The following C8orf34 variants were observed in gnomAD, a reference collection of about 807,000 sequenced individuals.
C8orf34 encodes the protein chromosome 8 open reading frame 34.
C8orf34 carries 65 observed loss-of-function variants against 68.3 expected under a neutral mutation model. The ratio of observed to expected loss-of-function variants is 0.95; its 90% CI spans 0.78 to 1.17. The LOEUF is 1.17. Among genes scored for constraint, C8orf34 ranks in the 50% most tolerant of loss-of-function variants. The pLI, the probability that C8orf34 is intolerant of heterozygous loss-of-function variation, is 0.00. For missense variants in C8orf34, 664 were observed against 655.4 expected, an observed-to-expected ratio of 1.01 and a Z score of -0.14; for synonymous variants, 244 against 241.2, an observed-to-expected ratio of 1.01 and a Z score of -0.11.
intron 3 of C8orf34, among the ~76,000 whole-genome samples, chr8:68,458,982 G>C (rs1019467522): frequency 2.0e-5 from 3 of 152,050 alleles, no homozygotes; most frequent in African/African-American, 4.8e-5. Context: ...TCCTTCACTT[G>C]TCTCCCATCA....
chr8:68,512,271 A>G (rs1318484845), intron 5 of C8orf34, among the ~76,000 whole-genome samples: 3 of 152,238 alleles, frequency 2.0e-5, no homozygotes, highest in Non-Finnish European at 4.4e-5. Context: ...TAGAAATCCC[A>G]TACAATTTTG....
intron 8 of C8orf34, among the ~76,000 whole-genome samples, chr8:68,704,537 C>G (rs1821109965): frequency 6.6e-6 from 1 of 152,076 alleles, no homozygotes; most frequent in African/African-American, 2.4e-5. Context: ...CATAACTCAT[C>G]TTGTAGGTAA....
At chr8:68,525,592 GGTT>G in intron 6 of C8orf34, 1 of 885,038 alleles carries the variant, frequency 1.1e-6, no homozygotes, top group African/African-American at 1.6e-5. Context: ...TGCCAGCTGA[GGTT>G]GTCAGTACAA....
At chr8:68,614,604 T>C (rs1263000709) in intron 7 of C8orf34, among the ~76,000 whole-genome samples, 1 of 152,170 alleles carries the variant, frequency 6.6e-6, no homozygotes, top group African/African-American at 2.4e-5. Flanking sequence ...GTTGTAGATA[T>C]GCGGTGTTAT....
intron 12 of C8orf34, chr8:68,791,834 C>T (rs1231065512): frequency 6.6e-6 from 1 of 152,078 alleles, no homozygotes; most frequent in Non-Finnish European, 1.5e-5. Flanking sequence ...AGGACTGACT[C>T]AGGTATAAAA....
At chr8:68,407,097 C>T (rs1809232256) in intron 1 of C8orf34, among the ~76,000 whole-genome samples, 2 of 152,114 alleles carry the variant, frequency 1.3e-5, no homozygotes, top group African/African-American at 2.4e-5. Flanking sequence ...AAAGTAATAA[C>T]ATTTTATTAA....
intron 7 of C8orf34, chr8:68,534,030 A>G: frequency 1.0e-6 from 1 of 980,590 alleles, no homozygotes; most frequent in Non-Finnish European, 1.2e-6. Context: ...AATCTCAGAA[A>G]AATATAGGCC....
At chr8:68,518,459 T>C (rs1029189388) in intron 5 of C8orf34, among the ~76,000 whole-genome samples, 2 of 152,140 alleles carry the variant, frequency 1.3e-5, no homozygotes, top group Non-Finnish European at 2.9e-5. Flanking sequence ...CTTAATACAT[T>C]TAATGTGCTT....
At chr8:68,418,033 G>A (rs1199974593) in intron 1 of C8orf34, among the ~76,000 whole-genome samples, 6 of 148,698 alleles carry the variant, frequency 4.0e-5, no homozygotes, top group Non-Finnish European at 7.4e-5. Flanking sequence ...TGGATTCCTA[G>A]GTATTTTATT....
chr8:68,760,514 G>A (rs1371051324), intron 10 of C8orf34, among the ~76,000 whole-genome samples: 1 of 152,154 alleles, frequency 6.6e-6, no homozygotes, highest in East Asian at 1.9e-4. Flanking sequence ...TGGAAGCTTG[G>A]AGGAGACACT....
chr8:68,622,258 A>G (rs150046901), intron 7 of C8orf34, among the ~76,000 whole-genome samples: 576 of 152,336 alleles, frequency 3.8e-3, no homozygotes, highest in African/African-American at 0.013. Context: ...TAACTGAATC[A>G]CAGAAGTGAA....
At chr8:68,816,138 C>CTGTG (rs138646973) in intron 13 of C8orf34, among the ~76,000 whole-genome samples, 193 bp downstream of exon 13, 18,035 of 146,632 alleles carry the variant, frequency 0.12, 1,167 homozygotes, top group Middle Eastern at 0.17. Flanking sequence ...GTGTGTTTCT[C>CTGTG]TGTGTGTGTG....
At chr8:68,775,407 G>A (rs1164463893) in intron 10 of C8orf34, among the ~76,000 whole-genome samples, 1 of 152,078 alleles carries the variant, frequency 6.6e-6, no homozygotes, top group Non-Finnish European at 1.5e-5. Context: ...CTTATCCAAA[G>A]CACCAAGTTG....
chr8:68,602,238 T>TGG (rs142074795), intron 7 of C8orf34, among the ~76,000 whole-genome samples: 1 of 152,118 alleles, frequency 6.6e-6, no homozygotes, highest in Non-Finnish European at 1.5e-5. Flanking sequence ...TTGATATCGA[T>TGG]GGGGGTGGAG....
At chr8:68,613,449 C>CT (rs1255276331) in intron 7 of C8orf34, among the ~76,000 whole-genome samples, 2 of 150,260 alleles carry the variant, frequency 1.3e-5, no homozygotes, top group Non-Finnish European at 3.0e-5. Context: ...CCCCTCCCCC[C>CT]ACACAACAGT....
intron 10 of C8orf34, among the ~76,000 whole-genome samples, chr8:68,726,953 C>T (rs1286182084): frequency 6.6e-6 from 1 of 152,070 alleles, no homozygotes; most frequent in Non-Finnish European, 1.5e-5. Context: ...ACCCCTGGCC[C>T]CTCCAAATCT....
intron 9 of C8orf34, among the ~76,000 whole-genome samples, chr8:68,719,435 C>T (rs1002338902): frequency 9.2e-5 from 14 of 152,006 alleles, no homozygotes; most frequent in African/African-American, 3.4e-4. Flanking sequence ...AATACTTTTG[C>T]TTTATAAATG....
rs529731779 is a variant in C8orf34, at chr8:68,799,655, A to C, written c.1549+12119A>C. On this transcript the variant is annotated intron_variant, in intron 12 of 13. Coordinates refer to ENST00000518698, the MANE Select transcript of C8orf34 (RefSeq NM_052958.4). ...TCATATTTGTGGATCTTGAAAAGTCAACATACATATACTGAGAAGCTACCA... is the reference window on the plus strand; with the variant it reads ...TCATATTTGTGGATCTTGAAAAGTCCACATACATATACTGAGAAGCTACCA... Among the ~76,000 whole-genome samples, 36 of 152,318 alleles carry C rather than the reference A, an allele frequency of 2.4e-4. No homozygotes were observed. The South Asian group carries it at 6.8e-3, about 29-fold the overall frequency.
chr8:68,625,218 G>GT (rs1464331458), intron 7 of C8orf34, among the ~76,000 whole-genome samples: 1 of 152,154 alleles, frequency 6.6e-6, no homozygotes, highest in Non-Finnish European at 1.5e-5. Flanking sequence ...CCTCAGGGCC[G>GT]TAATATTCTT....
Sources: gnomAD v4.1 joint callset for allele counts (sites outside exome capture counted in the v4.1 genomes callset) on GRCh38, gnomAD v4.1.1 for gene constraint, MANE v1.5 for transcripts, NCBI Gene and HGNC (gene_info 2026-07-23, HGNC 2026-07-21) for gene names.